STXBP5L: variants seen among roughly 807,000 people sequenced by gnomAD.
STXBP5L encodes syntaxin-binding protein 5-like.
A neutral mutation model predicts 144.5 loss-of-function variants in STXBP5L; 65 were observed. That is an observed-to-expected ratio of 0.45 (90% CI 0.37 to 0.55). The LOEUF (loss-of-function observed/expected upper bound fraction) is 0.55. STXBP5L is among the 20% of genes least tolerant of loss of function. STXBP5L has a pLI of 0.00. For missense variants in STXBP5L, 1,298 were observed against 1,405.5 expected (o/e 0.92, Z 1.22); for synonymous variants, 505 against 469.6 (o/e 1.08, Z -0.97).
intron 20 of STXBP5L, among the ~76,000 whole-genome samples, chr3:121,320,222 C>T (rs1392513490): frequency 6.6e-6 from 1 of 151,968 alleles, no homozygotes; most frequent in Non-Finnish European, 1.5e-5. Context: ...AGAGGTCTTG[C>T]ATATCTTTCA....
At position 121,347,862 on chromosome 3, in the gene STXBP5L, G is replaced by C. The variant is rs560229489; in HGVS notation, c.2176+29322G>C. Among the ~76,000 whole-genome samples the C allele has an allele frequency of 3.3e-5, 5 of 152,312 alleles. No homozygotes were observed. The East Asian group carries it at 9.6e-4, about 29-fold the overall frequency. On this transcript the variant is annotated intron_variant, in intron 20 of 26. Coordinates refer to ENST00000471454, the MANE Select transcript of STXBP5L (RefSeq NM_001308330.2). ...TCAGCTTAAGGAGATTTTGGGTTGA[G>C]ACGATGGGGTTTTCTAGATATACAG...
chr3:120,988,287 T>G (rs1942499366), intron 3 of STXBP5L, among the ~76,000 whole-genome samples: 1 of 151,934 alleles, frequency 6.6e-6, no homozygotes, highest in African/African-American at 2.4e-5. Context: ...CTTTAGCTGT[T>G]TTAATACAGG....
In STXBP5L at chr3:121,216,875, C is replaced by A. The variant is rs559409593; in HGVS notation, c.957-6128C>A. ...GCTGCTGCCTGTCTTTCAGAGATGCCCTGCCCAGAGAGGAGGAATCTAGGG... is the reference window on the plus strand; with the variant it reads ...GCTGCTGCCTGTCTTTCAGAGATGCACTGCCCAGAGAGGAGGAATCTAGGG... On this transcript the variant is annotated intron_variant, in intron 10 of 26. Transcript: ENST00000471454. 5.3e-4 allele frequency among the ~76,000 whole-genome samples: 81 copies of A among 152,264 alleles called. 1 individual carries two copies. In the South Asian group the frequency reaches 0.016, roughly 30 times the overall value.
chr3:120,920,840 A>C (rs527586627), intron 2 of STXBP5L, among the ~76,000 whole-genome samples: 1 of 152,012 alleles, frequency 6.6e-6, no homozygotes, highest in South Asian at 2.1e-4. Context: ...ATGACTGAAT[A>C]ATATTCCCTT....
chr3:121,319,967 A>G lies in STXBP5L; in HGVS notation c.2176+1427A>G, dbSNP rs533675855. On this transcript the variant is annotated intron_variant, in intron 20 of 26. Coordinates refer to ENST00000471454, the MANE Select transcript of STXBP5L (RefSeq NM_001308330.2). ...ACCCTGTCTCATTAAAGATGATAAT[A>G]ATAATAATTTTAAAAGTTTTTTAAA... Among the ~76,000 whole-genome samples the G allele has an allele frequency of 1.9e-3, 285 of 152,274 alleles. 1 individual carries two copies. Among genetic ancestry groups the G allele is most frequent in the Non-Finnish European group, 3.2e-3 (216 of 68,022 alleles).
chr3:121,053,239 C>A (rs1393336668), intron 5 of STXBP5L, among the ~76,000 whole-genome samples: 1 of 152,162 alleles, frequency 6.6e-6, no homozygotes, highest in Non-Finnish European at 1.5e-5. Context: ...TTGGAAAAAA[C>A]TACTTTAAAG....
chr3:121,301,895 C>T (rs143756973), intron 19 of STXBP5L, among the ~76,000 whole-genome samples: 299 of 152,258 alleles, frequency 2.0e-3, no homozygotes, highest in African/African-American at 6.9e-3. Context: ...AGGGATGAAG[C>T]CCACTTGACT....
intron 20 of STXBP5L, among the ~76,000 whole-genome samples, chr3:121,345,450 A>C (rs1046815413): frequency 2.4e-4 from 36 of 152,238 alleles, no homozygotes; most frequent in African/African-American, 8.2e-4. Flanking sequence ...GCTATTGTGA[A>C]TAGTGCCACA....
intron 2 of STXBP5L, among the ~76,000 whole-genome samples, chr3:120,944,544 T>A (rs997905257): frequency 6.6e-6 from 1 of 151,760 alleles, no homozygotes; most frequent in Non-Finnish European, 1.5e-5. Context: ...TTTTAACAAT[T>A]TAATATAACT....
At chr3:121,159,627 C>CTT (rs1161847567) in intron 9 of STXBP5L, among the ~76,000 whole-genome samples, 1,265 of 121,940 alleles carry the variant, frequency 0.01, 36 homozygotes, top group African/African-American at 0.033. Flanking sequence ...TGTACATTTT[C>CTT]TTTTTTTTTT....
intron 3 of STXBP5L, among the ~76,000 whole-genome samples, chr3:120,978,249 T>C (rs957423835): frequency 1.3e-5 from 2 of 152,212 alleles, no homozygotes; most frequent in Non-Finnish European, 2.9e-5. Context: ...CGTTTCTTTT[T>C]ATTCTTTTTT....
intron 20 of STXBP5L, among the ~76,000 whole-genome samples, chr3:121,327,129 C>G (rs1477355995): frequency 6.6e-6 from 1 of 152,100 alleles, no homozygotes; most frequent in East Asian, 1.9e-4. Context: ...CCAGGCTGCA[C>G]TATCCATTGA....
chr3:121,313,420 G>A (rs1259183462), intron 19 of STXBP5L, among the ~76,000 whole-genome samples: 1 of 117,064 alleles, frequency 8.5e-6, no homozygotes, highest in African/African-American at 3.5e-5. Flanking sequence ...CCCGGACTGG[G>A]CGGCTGGCCG....
chr3:121,015,575 A>G (rs1235085627), intron 3 of STXBP5L, among the ~76,000 whole-genome samples: 1 of 152,162 alleles, frequency 6.6e-6, no homozygotes, highest in Non-Finnish European at 1.5e-5. Flanking sequence ...GGTTACTGAA[A>G]TGTTCGGGAA....
chr3:120,991,382 G>T (rs1169212181), intron 3 of STXBP5L, among the ~76,000 whole-genome samples: 1 of 151,746 alleles, frequency 6.6e-6, no homozygotes, highest in Non-Finnish European at 1.5e-5. Flanking sequence ...CAGTGGTGGT[G>T]GGACTGTAAA....
At chr3:121,249,002 G>C (rs536632105) in intron 14 of STXBP5L, among the ~76,000 whole-genome samples, 2 of 152,150 alleles carry the variant, frequency 1.3e-5, no homozygotes, top group East Asian at 3.9e-4. Context: ...ATTGGTCTAT[G>C]TGTCTGTTTT....
chr3:121,062,028 TC>T (rs1410036665), intron 5 of STXBP5L, among the ~76,000 whole-genome samples: 2 of 152,192 alleles, frequency 1.3e-5, no homozygotes, highest in African/African-American at 4.8e-5. Context: ...TGGTTATTTT[TC>T]CTGTTAGTTG....
chr3:120,974,690 T>A (rs1257923656), intron 3 of STXBP5L, among the ~76,000 whole-genome samples: 2 of 152,230 alleles, frequency 1.3e-5, no homozygotes, highest in Non-Finnish European at 2.9e-5. Flanking sequence ...GACGTTTAAG[T>A]CTTTAATCCA....
intron 3 of STXBP5L, among the ~76,000 whole-genome samples, chr3:121,010,436 C>G (rs1174087294): frequency 6.6e-6 from 1 of 151,590 alleles, no homozygotes; most frequent in African/African-American, 2.4e-5. Context: ...TTCCAGAATT[C>G]TGTTTTTTTT....
Sources: allele counts gnomAD v4.1 joint callset (sites outside exome capture counted in the v4.1 genomes callset), GRCh38; gene constraint gnomAD v4.1.1; transcripts MANE v1.5; gene names NCBI Gene and HGNC (gene_info 2026-07-23, HGNC 2026-07-21).